ADGRB3: variants seen among roughly 807,000 people sequenced by gnomAD.
ADGRB3 encodes the protein adhesion G protein-coupled receptor B3, also known as brain-specific angiogenesis inhibitor 3.
A neutral mutation model predicts 193.4 loss-of-function variants in ADGRB3; 37 were observed. The ratio of observed to expected loss-of-function variants is 0.19; its 90% CI spans 0.15 to 0.25. The LOEUF (loss-of-function observed/expected upper bound fraction) is 0.25. Ranked by LOEUF, ADGRB3 falls within the 10% of genes least tolerant of loss-of-function variation. ADGRB3 has a pLI of 1.00. For synonymous variants in ADGRB3, 690 were observed against 644.2 expected (o/e 1.07, Z -1.08); for missense variants, 1,637 against 1,852.9 (o/e 0.88, Z 2.14).
In ADGRB3 at chr6:69,325,993, TGGGTGGACTACCTGAGCGC is replaced by T. The variant is rs1489240608; in HGVS notation, c.2965+989_2965+1007del. ...CCAAGGCGGGTGGACTACCTGAGCGTGGGTGGACTACCTGAGCGCGGGTGGACTACCTGAGCACGGGAGT... is the reference window on the plus strand; with the variant it reads ...CCAAGGCGGGTGGACTACCTGAGCGTGGGTGGACTACCTGAGCACGGGAGT... On this transcript the variant is annotated intron_variant, in intron 21 of 31. Transcript: ENST00000370598. Among the ~76,000 whole-genome samples the T allele has an allele frequency of 3.3e-5, 5 of 151,656 alleles. No individual in the cohort carries two copies. In the East Asian group the frequency reaches 5.8e-4, roughly 18 times the overall value.
chr6:68,782,731 GA>G (rs1407495290), intron 3 of ADGRB3, among the ~76,000 whole-genome samples: 5 of 152,100 alleles, frequency 3.3e-5, no homozygotes, highest in Admixed American at 2.6e-4. Flanking sequence ...CAGTGATGAT[GA>G]GCATTTTTTC....
intron 3 of ADGRB3, among the ~76,000 whole-genome samples, chr6:68,689,034 A>T (rs1027435111): frequency 2.0e-5 from 3 of 152,050 alleles, no homozygotes; most frequent in African/African-American, 7.2e-5. Flanking sequence ...AAACCCTTAG[A>T]GGGTGACTTA....
Position 69,173,822 on chromosome 6 carries a change from A to T in ADGRB3, c.2481-59468A>T, listed in dbSNP as rs147412258. On this transcript the variant is annotated intron_variant, in intron 17 of 31. Coordinates refer to ENST00000370598, the MANE Select transcript of ADGRB3 (RefSeq NM_001704.3). ...AGGGCACCTAAAAAACATTCTGAGG[A>T]TGCTGAGCAAATGAAACAATGATGG... Among the ~76,000 whole-genome samples the T allele has an allele frequency of 1.5e-3, 227 of 152,348 alleles. 2 individuals are homozygous for T. The highest frequency in any genetic ancestry group is 4.4e-3 in the Admixed American group (68 of 15,300).
chr6:69,124,664 G>A (rs1465183611), intron 17 of ADGRB3, among the ~76,000 whole-genome samples: 1 of 152,132 alleles, frequency 6.6e-6, no homozygotes, highest in Admixed American at 6.5e-5. Flanking sequence ...AAAAAGTTAA[G>A]ACAATTATAA....
At chr6:69,005,597 A>G (rs1455857323) in intron 11 of ADGRB3, among the ~76,000 whole-genome samples, 1 of 152,180 alleles carries the variant, frequency 6.6e-6, no homozygotes, top group East Asian at 1.9e-4. Context: ...GGCGTACGCC[A>G]CCATTCCCGG....
intron 17 of ADGRB3, among the ~76,000 whole-genome samples, chr6:69,187,309 C>T (rs74855075): frequency 1.3e-5 from 2 of 152,004 alleles, no homozygotes; most frequent in Non-Finnish European, 2.9e-5. Context: ...TAAAGTCTTC[C>T]GGGCCAGACA....
chr6:68,806,606 TTTTC>T (rs1253220911), intron 3 of ADGRB3, among the ~76,000 whole-genome samples: 1 of 151,752 alleles, frequency 6.6e-6, no homozygotes, highest in Non-Finnish European at 1.5e-5. Flanking sequence ...ATCTAGCTAT[TTTTC>T]TTTCTGATTT....
intron 3 of ADGRB3, among the ~76,000 whole-genome samples, chr6:68,668,219 G>A (rs1470786053): frequency 6.6e-6 from 1 of 151,896 alleles, no homozygotes; most frequent in Non-Finnish European, 1.5e-5. Flanking sequence ...TCCCCCAAAG[G>A]ACAAAATGCT....
intron 17 of ADGRB3, among the ~76,000 whole-genome samples, chr6:69,077,528 A>C (rs577195746): frequency 6.6e-6 from 1 of 152,002 alleles, no homozygotes; most frequent in Admixed American, 6.6e-5. Context: ...AAGCCCCTTA[A>C]GACTATTAAA....
rs73745997 is a variant in ADGRB3 at position 69,311,335 on chromosome 6, T to C, written c.2815-13537T>C. Among the ~76,000 whole-genome samples the C allele has an allele frequency of 6.3e-3, 958 of 151,834 alleles. 11 individuals carry two copies. The highest frequency in any genetic ancestry group is 0.021 in the African/African-American group (876 of 41,490). The stretch of plus-strand genomic sequence containing the variant: ...ACAGAAAAACAGCAAAACCAGTATT[T>C]CTGTATCGTTGCAGAGGACTGGAAT... On this transcript the variant is annotated intron_variant, in intron 20 of 31. Transcript: ENST00000370598.
chr6:69,099,074 C>T (rs1772962801), intron 17 of ADGRB3, among the ~76,000 whole-genome samples: 2 of 152,138 alleles, frequency 1.3e-5, no homozygotes, highest in Non-Finnish European at 2.9e-5. Flanking sequence ...TGTTCATACT[C>T]CCCAGGGGAC....
intron 3 of ADGRB3, among the ~76,000 whole-genome samples, chr6:68,839,423 C>A (rs144190591): frequency 6.6e-6 from 1 of 152,166 alleles, no homozygotes; most frequent in Non-Finnish European, 1.5e-5. Context: ...GCCAATTTTA[C>A]CATTTCTATG....
chr6:68,985,443 A>G (rs1015314990), intron 10 of ADGRB3, among the ~76,000 whole-genome samples: 5 of 152,174 alleles, frequency 3.3e-5, no homozygotes, highest in African/African-American at 9.6e-5. Context: ...GCATCATACC[A>G]TCACAAAACA....
At chr6:68,813,683 T>A (rs1767565413) in intron 3 of ADGRB3, among the ~76,000 whole-genome samples, 1 of 152,004 alleles carries the variant, frequency 6.6e-6, no homozygotes, top group Admixed American at 6.6e-5. Context: ...ATTAGGTATA[T>A]CTCCTAATGC....
At chr6:69,034,727 A>G (rs1487374021) in intron 13 of ADGRB3, among the ~76,000 whole-genome samples, 2 of 151,490 alleles carry the variant, frequency 1.3e-5, no homozygotes, top group East Asian at 3.9e-4. Flanking sequence ...TTAGAAAGGG[A>G]TAGTTTAATA....
intron 17 of ADGRB3, among the ~76,000 whole-genome samples, chr6:69,136,088 G>A (rs1324787170): frequency 6.6e-6 from 1 of 151,962 alleles, no homozygotes; most frequent in Non-Finnish European, 1.5e-5. Context: ...ATGAATATAT[G>A]TATATGTACA....
At chr6:69,262,623 C>G (rs1483473238) in intron 20 of ADGRB3, among the ~76,000 whole-genome samples, 1 of 151,866 alleles carries the variant, frequency 6.6e-6, no homozygotes, top group Non-Finnish European at 1.5e-5. Flanking sequence ...CCTCTTTTGT[C>G]TCTGGTTTTA....
chr6:69,295,434 C>T (rs1159038023), intron 20 of ADGRB3, among the ~76,000 whole-genome samples: 1 of 152,022 alleles, frequency 6.6e-6, no homozygotes, highest in African/African-American at 2.4e-5. Flanking sequence ...TTTCTAACTG[C>T]CCCCACCCCA....
At chr6:68,957,223 C>T (rs918491296) in intron 8 of ADGRB3, among the ~76,000 whole-genome samples, 6 of 152,046 alleles carry the variant, frequency 3.9e-5, no homozygotes, top group African/African-American at 1.2e-4. Context: ...ATGAGGAATG[C>T]ATTTTAAAAT....
Sources: allele counts gnomAD v4.1 joint callset (sites outside exome capture counted in the v4.1 genomes callset), GRCh38; gene constraint gnomAD v4.1.1; transcripts MANE v1.5; gene names NCBI Gene and HGNC (gene_info 2026-07-23, HGNC 2026-07-21).